The following WASF3 variants were observed in gnomAD, a reference collection of about 807,000 sequenced individuals.
The protein encoded by WASF3 is actin-binding protein WASF3.
Under a neutral mutation model 46.6 loss-of-function variants are expected in WASF3, and 11 were observed. The ratio of observed to expected loss-of-function variants is 0.24; its 90% CI spans 0.15 to 0.39. The LOEUF is 0.39. Among genes scored for constraint, WASF3 ranks in the 10% least tolerant of loss-of-function variants. WASF3 has a pLI of 1.00. For missense variants in WASF3, 576 were observed against 669.8 expected (o/e 0.86, Z 1.55); for synonymous variants, 242 against 259.7 (o/e 0.93, Z 0.65).
intron 2 of WASF3, among the ~76,000 whole-genome samples, chr13:26,624,261 A>C (rs1368533409): frequency 6.6e-6 from 1 of 152,260 alleles, no homozygotes; most frequent in Non-Finnish European, 1.5e-5. Context: ...TAAGGAAACA[A>C]GTTTTTAAGA....
intron 1 of WASF3, among the ~76,000 whole-genome samples, chr13:26,598,674 T>TCCGAACC (rs1030261422): frequency 5.3e-5 from 8 of 152,180 alleles, no homozygotes; most frequent in Admixed American, 2.0e-4. Flanking sequence ...CAGTTTTCAC[T>TCCGAACC]CCGAACCCCA....
At position 26,671,858 on chromosome 13, in the gene WASF3, A is replaced by G. The variant is rs199552784; in HGVS notation, c.423-14A>G. On this transcript the variant is annotated splice_polypyrimidine_tract_variant and intron_variant, in intron 5 of 9. Transcript: ENST00000335327. ...AATCTTTTCTTCCCTGACTTACAAT[A>G]CATTGATTTGTAGAGATGACAAGAA... 6.6e-7 allele frequency: 1 copy of G among 1,524,434 alleles called. No homozygotes were observed. Among genetic ancestry groups the G allele is most frequent in the East Asian group, 2.3e-5 (1 of 43,782 alleles). The allele number at this position is 1,524,434 out of a possible 1,614,324, so 94.4% of individuals were successfully genotyped here.
intron 2 of WASF3, among the ~76,000 whole-genome samples, chr13:26,628,200 C>A (rs1881532761): frequency 6.6e-6 from 1 of 152,132 alleles, no homozygotes; most frequent in Non-Finnish European, 1.5e-5. Context: ...TTGCCATCTG[C>A]CTGGGGCTCC....
chr13:26,564,809 G>A (rs1289768466), intron 1 of WASF3, among the ~76,000 whole-genome samples: 1 of 151,724 alleles, frequency 6.6e-6, no homozygotes, highest in Non-Finnish European at 1.5e-5. Flanking sequence ...GATCACTACT[G>A]GGTAGTTTAC....
intron 2 of WASF3, among the ~76,000 whole-genome samples, chr13:26,616,595 G>T (rs899057313): frequency 4.6e-5 from 7 of 151,954 alleles, no homozygotes; most frequent in African/African-American, 1.7e-4. Flanking sequence ...GCCAATATGG[G>T]ATTATTTTTT....
chr13:26,640,023 A>C (rs1470826153), intron 2 of WASF3, among the ~76,000 whole-genome samples: 2 of 152,086 alleles, frequency 1.3e-5, no homozygotes, highest in African/African-American at 4.8e-5. Flanking sequence ...TGTGAGAGCC[A>C]CATCGAGGAG....
At chr13:26,622,170 C>T (rs1340255524) in intron 2 of WASF3, among the ~76,000 whole-genome samples, 2 of 152,176 alleles carry the variant, frequency 1.3e-5, no homozygotes, top group African/African-American at 4.8e-5. Context: ...ACCTGGCATG[C>T]AGCAATCAGA....
At chr13:26,610,285 G>T (rs1880932687) in intron 1 of WASF3, among the ~76,000 whole-genome samples, 1 of 152,164 alleles carries the variant, frequency 6.6e-6, no homozygotes, top group Non-Finnish European at 1.5e-5. Flanking sequence ...TTGTGAAGCT[G>T]TCCCTGCCGT....
chr13:26,569,337 T>C (rs1369400860), intron 1 of WASF3, among the ~76,000 whole-genome samples: 1 of 152,204 alleles, frequency 6.6e-6, no homozygotes, highest in Non-Finnish European at 1.5e-5. Context: ...ATCTATCAGC[T>C]TGTTGGGAAA....
At chr13:26,577,489 A>G (rs12397516) in intron 1 of WASF3, 23,374 of 1,159,554 alleles carry the variant, frequency 0.02, 319 homozygotes, top group African/African-American at 0.039. Context: ...AGACTTGCCA[A>G]TCCATTTATC....
intron 1 of WASF3, among the ~76,000 whole-genome samples, chr13:26,574,464 A>ATT (rs149577585): frequency 0.01 from 1,485 of 147,752 alleles, 27 homozygotes; most frequent in African/African-American, 0.034. Context: ...TTTTGTCTTG[A>ATT]TTTTTTTTTT....
chr13:26,570,076 A>T (rs144384498), intron 1 of WASF3, among the ~76,000 whole-genome samples: 5,733 of 152,296 alleles, frequency 0.038, 148 homozygotes, highest in Non-Finnish European at 0.06. Flanking sequence ...ACTTGAGGTC[A>T]GGAGTTTGAG....
chr13:26,663,809 A>G (rs1174695561), intron 3 of WASF3, among the ~76,000 whole-genome samples: 1 of 152,218 alleles, frequency 6.6e-6, no homozygotes, highest in African/African-American at 2.4e-5. Flanking sequence ...TGAAGATTGC[A>G]GCCAAGGGAG....
Position 26,682,770 on chromosome 13 carries a change from C to T in WASF3, c.1147C>T (p.Pro383Ser), listed in dbSNP as rs867358561. The T allele has an allele frequency of 6.2e-7, 1 of 1,612,568 alleles. No individual in the cohort carries two copies. The highest frequency in any genetic ancestry group is 8.5e-7 in the Non-Finnish European group (1 of 1,180,030). ...ASASSTHAAP[P>S]HPPSTGLLVT... The stretch of plus-strand genomic sequence containing the variant: ...AGCCAGCTCCACGCACGCAGCTCCT[C>T]CTCACCCACCCTCCACCGGGCTCCT... Residue 383 changes from proline to serine, a missense_variant, in exon 9 of 10, where the codon CCT (proline) becomes TCT (serine). By Grantham distance (74) the Pro-to-Ser change is moderately conservative. Transcript: ENST00000335327. This position sits in a 1 kb window ranked among gnomAD's most constrained non-coding sequence, Gnocchi z 4.4.
intron 3 of WASF3, among the ~76,000 whole-genome samples, chr13:26,650,537 T>C (rs56184407): frequency 0.062 from 9,448 of 152,256 alleles, 789 homozygotes; most frequent in African/African-American, 0.19. Flanking sequence ...ATGATTAATA[T>C]GCTGAGGGAT....
intron 2 of WASF3, among the ~76,000 whole-genome samples, chr13:26,626,944 G>C (rs995008011): frequency 6.6e-6 from 1 of 152,114 alleles, no homozygotes; most frequent in African/African-American, 2.4e-5. Context: ...CCTCTCTGAG[G>C]ACAGTAGGAA....
At chr13:26,581,976 A>G (rs1879991048) in intron 1 of WASF3, among the ~76,000 whole-genome samples, 2 of 152,230 alleles carry the variant, frequency 1.3e-5, no homozygotes, top group South Asian at 4.1e-4. Flanking sequence ...TAGACAGTAA[A>G]TTCTATAATC....
intron 1 of WASF3, among the ~76,000 whole-genome samples, chr13:26,587,793 G>A (rs534947330): frequency 9.2e-5 from 14 of 152,222 alleles, no homozygotes; most frequent in Admixed American, 7.8e-4. Flanking sequence ...GAAAATAATG[G>A]AACAAATGAA....
chr13:26,540,989 C>T, the WASF3 span, among the ~76,000 whole-genome samples: 8 of 152,054 alleles, frequency 5.3e-5, no homozygotes, highest in South Asian at 1.0e-3. Flanking sequence ...CTCAGTGATA[C>T]GTTAAGAGTG....
Sources: gnomAD v4.1 joint callset for allele counts (sites outside exome capture counted in the v4.1 genomes callset) on GRCh38, gnomAD v4.1.1 for gene constraint, Gnocchi (gnomAD v3.1) non-coding constraint, MANE v1.5 for transcripts, NCBI Gene and HGNC (gene_info 2026-07-23, HGNC 2026-07-21) for gene names.